The following SRCAP variants were observed in gnomAD, a reference collection of about 807,000 sequenced individuals.
SRCAP encodes Snf2 related CREBBP activator protein, also known as chromatin remodeling protein SRCAP.
A neutral mutation model predicts 263.1 loss-of-function variants in SRCAP; 46 were observed. That is an observed-to-expected ratio of 0.17 (90% CI 0.14 to 0.22). The LOEUF (loss-of-function observed/expected upper bound fraction) is 0.22. SRCAP is among the 10% of genes least tolerant of loss of function. SRCAP has a pLI of 1.00. For missense variants in SRCAP, 3,695 were observed against 4,181.9 expected (o/e 0.88, Z 3.21); for synonymous variants, 1,813 against 1,662.1 (o/e 1.09, Z -2.21).
rs1233493668 is a variant in SRCAP, at chr16:30,736,397, C to A, written c.6924+3C>A. The A allele has an allele frequency of 1.9e-6, 3 of 1,604,708 alleles. No individual in the cohort carries two copies. Among genetic ancestry groups the A allele is most frequent in the Non-Finnish European group, 2.6e-6 (3 of 1,173,380 alleles). On this transcript the variant is annotated splice_donor_region_variant and intron_variant, in intron 32 of 33. Coordinates refer to ENST00000262518, the MANE Select transcript of SRCAP (RefSeq NM_006662.3). ...AAATTGCTGCCCTCGTAGAACAGGT[C>A]AGTGCTGGACCCACTAGTTCTTGAC... is the stretch of plus-strand genomic sequence containing the variant.
intron 16 of SRCAP, 76 bp from the exon 17 acceptor site, chr16:30,715,990 G>T: frequency 6.3e-7 from 1 of 1,590,856 alleles, no homozygotes; most frequent in South Asian, 1.1e-5. Context: ...GACTCCATTA[G>T]TGTTTGCTGA....
Position 30,738,300 on chromosome 16 carries a change from C to T in SRCAP, c.8260C>T (p.Leu2754=), listed in dbSNP as rs1026119426. 1.3e-6 allele frequency: 2 copies of T among 1,598,414 alleles called. No homozygotes were observed. Among genetic ancestry groups the T allele is most frequent in the Non-Finnish European group, 8.5e-7 (1 of 1,171,368 alleles). The change falls in exon 34 of 34, where the codon CTG becomes TTG. Residue 2754 remains leucine, a synonymous_variant. Transcript: ENST00000262518. ...AGTGCTTCGAAAGCTGCCAGGACGG[C>T]TGGTAACTGTGGTAGAGGAAAAGGA... ...PKVLRKLPGR[L]VTVVEEKELV...
intron 27 of SRCAP, among the ~76,000 whole-genome samples, chr16:30,730,846 T>A (rs2053107825): frequency 6.6e-6 from 1 of 151,614 alleles, no homozygotes; most frequent in South Asian, 2.1e-4. Flanking sequence ...TTTTTTGTAT[T>A]TTTAGTAGAG....
Position 30,734,637 on chromosome 16 carries a change from C to T in SRCAP, c.6729+22C>T, listed in dbSNP as rs868818251. Reference sequence around the variant, plus strand: ...GCAGGTAAAAAAAGAGTGGGCAGTTCGTAAAGTTGAGCTGATTCTTACAGA... The same window carrying T: ...GCAGGTAAAAAAAGAGTGGGCAGTTTGTAAAGTTGAGCTGATTCTTACAGA... On this transcript the variant is annotated intron_variant, in intron 31 of 33. Coordinates refer to ENST00000262518, the MANE Select transcript of SRCAP (RefSeq NM_006662.3). 9 of 1,613,664 alleles carry T rather than the reference C, an allele frequency of 5.6e-6. No homozygotes were observed. The African/African-American group carries it at 6.7e-5, about 12-fold the overall frequency.
chr16:30,711,711 G>C lies in SRCAP; in HGVS notation c.1459G>C (p.Glu487Gln), dbSNP rs778925934. The change falls in exon 11 of 34, where the codon GAG becomes CAG. Residue 487 changes from glutamate (E) to glutamine (Q), a missense_variant. This residue lies in a region of SRCAP where 288 missense variants were observed against 302.4 expected (regional missense o/e 0.95). Transcript: ENST00000262518. The stretch of plus-strand genomic sequence containing the variant: ...ACCAGAGGGGCCCGTGGAAGCGGAA[G>C]AGCCTCCTCAGGAGGATAGTAGCAG... ...CEPEGPVEAE[E>Q]PPQEDSSSQS... 5.6e-6 allele frequency: 9 copies of C among 1,613,788 alleles called. No individual in the cohort carries two copies. The Admixed American group carries it at 1.0e-4, about 18-fold the overall frequency.
rs778447885 is a variant in SRCAP at position 30,710,952 on chromosome 16, G to T, written c.1229-47G>T. The T allele has an allele frequency of 8.2e-6, 13 of 1,594,636 alleles. No individual in the cohort carries two copies. In the African/African-American group the frequency reaches 1.6e-4, roughly 20 times the overall value. On this transcript the variant is annotated intron_variant, in intron 9 of 33. Transcript: ENST00000262518. ...CTGTTTCATTTGGACTGTGTCCTGT[G>T]CCTCTAGCCTCTATCCCTATTAATC...
chr16:30,722,651 G>A lies in SRCAP; in HGVS notation c.3795G>A (p.Pro1265=), dbSNP rs774030183. Residue 1265 remains proline, a synonymous_variant, in exon 23 of 34, where the codon CCG becomes CCA. Coordinates refer to ENST00000262518, the MANE Select transcript of SRCAP (RefSeq NM_006662.3). ...AHVALIQAVA[P]TPGPTPVSVL... is the part of the protein sequence containing the mutation. ...TGGCCCTCATCCAGGCCGTGGCCCC[G>A]ACCCCTGGCCCTACCCCTGTCTCTG... 3.1e-6 allele frequency: 5 copies of A among 1,613,868 alleles called. No individual in the cohort carries two copies. The highest frequency in any genetic ancestry group is 1.7e-5 in the Admixed American group (1 of 59,994).
At position 30,703,780 on chromosome 16, in the gene SRCAP, C is replaced by T. The variant is rs1382980350; in HGVS notation, c.55-284C>T. Among the ~76,000 whole-genome samples, 3 of 151,792 alleles carry T rather than the reference C, an allele frequency of 2.0e-5. No individual in the cohort carries two copies. In the East Asian group the frequency reaches 5.9e-4, roughly 30 times the overall value. On this transcript the variant is annotated intron_variant, in intron 3 of 33. Transcript: ENST00000262518. ...GGCATAGTGGCGGGCGCCTGTAGTCCCAGCTGCTCAGGAGGCTGAGGCAGG... is the reference window on the plus strand; with the variant it reads ...GGCATAGTGGCGGGCGCCTGTAGTCTCAGCTGCTCAGGAGGCTGAGGCAGG...
chr16:30,708,312 G>C (rs947705120), intron 6 of SRCAP, among the ~76,000 whole-genome samples: 15 of 152,144 alleles, frequency 9.9e-5, no homozygotes, highest in African/African-American at 3.6e-4. Context: ...GGGCTCACGC[G>C]ATCTTCCTGC....
Position 30,739,010 on chromosome 16 carries a change from C to T in SRCAP, c.8970C>T (p.Ala2990=). The stretch of plus-strand genomic sequence containing the variant: ...TAGTTTGTCCCACTGCTACTGTTGC[C>T]AACACTGTCACCACTGTCACCATTT... ...PLLVCPTATV[A]NTVTTVTIST... The change falls in exon 34 of 34, where the codon GCC becomes GCT. Residue 2990 remains alanine, a synonymous_variant. Coordinates refer to ENST00000262518, the MANE Select transcript of SRCAP (RefSeq NM_006662.3). The T allele has an allele frequency of 6.2e-7, 1 of 1,614,148 alleles. No homozygotes were observed. Among genetic ancestry groups the T allele is most frequent in the Non-Finnish European group, 8.5e-7 (1 of 1,180,014 alleles).
intron 16 of SRCAP, among the ~76,000 whole-genome samples, chr16:30,714,145 A>G (rs1375295833): frequency 1.3e-5 from 2 of 150,658 alleles, no homozygotes; most frequent in Admixed American, 6.6e-5. Flanking sequence ...GCTCACTGCA[A>G]GCTTTGCCTC....
rs952099715 is a variant in SRCAP, at chr16:30,725,345, C to A, written c.5658+263C>A. 52 of 514,124 alleles carry A rather than the reference C, an allele frequency of 1.0e-4. 1 individual carries two copies. Among genetic ancestry groups the A allele is most frequent in the Non-Finnish European group, 2.3e-5 (7 of 308,170 alleles). 31.8% of individuals were successfully genotyped at this position (514,124 alleles called of 1,614,324 possible). On this transcript the variant is annotated intron_variant, in intron 25 of 33. Transcript: ENST00000262518. ...CTCTTTTCCCGTTTTTTAACCCGCACGGTAATAAATGGGCAGTAAAAGGAA... is the reference window on the plus strand; with the variant it reads ...CTCTTTTCCCGTTTTTTAACCCGCAAGGTAATAAATGGGCAGTAAAAGGAA...
At chr16:30,702,381 C>T (rs940158992) in intron 3 of SRCAP, among the ~76,000 whole-genome samples, 3 of 151,872 alleles carry the variant, frequency 2.0e-5, no homozygotes, top group African/African-American at 4.8e-5. Flanking sequence ...TACAGGCGTC[C>T]GCCACCACGC....
intron 31 of SRCAP, among the ~76,000 whole-genome samples, chr16:30,735,202 A>G (rs1470330943): frequency 1.5e-5 from 2 of 134,354 alleles, no homozygotes; most frequent in African/African-American, 3.1e-5. Context: ...GCTGGAGTGC[A>G]GTGGCGGGAT....
chr16:30,723,888 T>G lies in SRCAP; in HGVS notation c.4464T>G (p.Pro1488=). ...PPLAPVVPAA[P]GPPSLAPSGA... The stretch of plus-strand genomic sequence containing the variant: ...TGGCACCTGTTGTCCCAGCGGCTCC[T>G]GGACCTCCCTCCTTGGCACCATCTG... Residue 1488 remains proline, a synonymous_variant, in exon 25 of 34, where the codon CCT becomes CCG. Transcript: ENST00000262518. The G allele has an allele frequency of 1.2e-6, 2 of 1,614,152 alleles. No individual in the cohort carries two copies. Among genetic ancestry groups the G allele is most frequent in the Non-Finnish European group, 1.7e-6 (2 of 1,180,014 alleles).
At chr16:30,710,529 T>C (rs1054089173) in intron 8 of SRCAP, 1 of 756,912 alleles carries the variant, frequency 1.3e-6, no homozygotes, top group Non-Finnish European at 2.4e-6. Flanking sequence ...GGTGCCTTTA[T>C]TTGTTACCTG....
intron 3 of SRCAP, 42 bp from the exon 4 acceptor site, chr16:30,704,022 G>T (rs1345567459): frequency 1.4e-5 from 22 of 1,584,356 alleles, no homozygotes; most frequent in Non-Finnish European, 1.7e-5. Context: ...ACTCAGCACA[G>T]TGCGAAGCAT....
intron 33 of SRCAP, among the ~76,000 whole-genome samples, 197 bp downstream of exon 33, chr16:30,736,821 C>T (rs1235913474): frequency 6.6e-6 from 1 of 151,984 alleles, no homozygotes; most frequent in African/African-American, 2.4e-5. Context: ...TACAGGCGTG[C>T]ACCACCACGC....
chr16:30,703,828 C>T (rs1198208150), intron 3 of SRCAP, among the ~76,000 whole-genome samples: 2 of 151,998 alleles, frequency 1.3e-5, no homozygotes, highest in African/African-American at 4.8e-5. Context: ...ACCCGGGAGG[C>T]GGAGCTTGCG....
Sources: gnomAD v4.1 joint callset for allele counts (sites outside exome capture counted in the v4.1 genomes callset) on GRCh38, gnomAD v4.1.1 for gene constraint, gnomAD v4.1.1 regional missense constraint, MANE v1.5 for transcripts, NCBI Gene and HGNC (gene_info 2026-07-23, HGNC 2026-07-21) for gene names.